The following FAT3 variants were observed in gnomAD, a reference collection of about 807,000 sequenced individuals.
The protein encoded by FAT3 is protocadherin Fat 3.
In FAT3, 95 loss-of-function variants were observed where a neutral mutation model predicts 310.2. The observed-to-expected ratio is 0.31, with a 90% CI of 0.26 to 0.36. FAT3 has a LOEUF of 0.36. Ranked by LOEUF, FAT3 falls within the 10% of genes least tolerant of loss-of-function variation. The probability of loss-of-function intolerance (pLI) is 1.00; values close to 1 mark genes in which losing one functional copy is unlikely to be tolerated. For synonymous variants in FAT3, 2,314 were observed against 2,192.9 expected (o/e 1.06, Z -1.54); for missense variants, 5,408 against 5,715.6 (o/e 0.95, Z 1.74).
intron 3 of FAT3, among the ~76,000 whole-genome samples, chr11:92,567,123 T>G (rs1955487778): frequency 6.6e-6 from 1 of 151,834 alleles, no homozygotes; most frequent in African/African-American, 2.4e-5. Flanking sequence ...GGAGAAAATT[T>G]TCACAACCTA....
intron 22 of FAT3, among the ~76,000 whole-genome samples, chr11:92,871,393 C>A (rs1193218495): frequency 6.6e-6 from 1 of 152,176 alleles, no homozygotes; most frequent in Non-Finnish European, 1.5e-5. Context: ...GGCAGTATCT[C>A]AGATCCCACC....
chr11:92,653,813 C>T (rs1296263712), intron 3 of FAT3, among the ~76,000 whole-genome samples: 1 of 152,128 alleles, frequency 6.6e-6, no homozygotes, highest in African/African-American at 2.4e-5. Context: ...ATTCACTATC[C>T]TTTCCTATTT....
intron 24 of FAT3, among the ~76,000 whole-genome samples, chr11:92,886,212 G>T (rs1949793026): frequency 6.6e-6 from 1 of 152,138 alleles, no homozygotes; most frequent in African/African-American, 2.4e-5. Context: ...GTTAAGCAAG[G>T]CAGAGTTAGC....
intron 4 of FAT3, among the ~76,000 whole-genome samples, chr11:92,718,166 G>A (rs1191820781): frequency 2.0e-5 from 3 of 152,056 alleles, no homozygotes. Flanking sequence ...TCATGATGTG[G>A]TCACTCCCTA....
At position 92,890,630 on chromosome 11, in the gene FAT3, T is replaced by C; in HGVS notation, c.13287T>C (p.Gly4429=). The part of the protein sequence containing the change: ...TRELESDYYL[G]GYDIDSEYPP... ...AGCTGGAGAGCGATTACTACCTGGG[T>C]GGTTATGACATTGACAGTGAATACC... The change falls in exon 28 of 28, where the codon GGT becomes GGC. Residue 4429 remains glycine, a synonymous_variant. Coordinates refer to ENST00000525166, the MANE Select transcript of FAT3 (RefSeq NM_001367949.2). The C allele has an allele frequency of 6.2e-7, 1 of 1,613,286 alleles. No homozygotes were observed. The highest frequency in any genetic ancestry group is 8.5e-7 in the Non-Finnish European group (1 of 1,179,766).
intron 1 of FAT3, among the ~76,000 whole-genome samples, chr11:92,301,300 C>T (rs544470897): frequency 4.6e-5 from 7 of 152,122 alleles, no homozygotes; most frequent in South Asian, 4.1e-4. Flanking sequence ...AGATAGGTGG[C>T]GAAAAAGAAA....
chr11:92,592,101 G>A (rs545907), intron 3 of FAT3, among the ~76,000 whole-genome samples: 86,865 of 151,814 alleles, frequency 0.57, 26,571 homozygotes, highest in African/African-American at 0.8. Flanking sequence ...ATGAGGTGGG[G>A]GTGGTGGATG....
chr11:92,814,792 G>A (rs369646457), intron 13 of FAT3, among the ~76,000 whole-genome samples: 4 of 152,158 alleles, frequency 2.6e-5, no homozygotes, highest in African/African-American at 9.7e-5. Flanking sequence ...TGGGTTGATA[G>A]GTGCAGCAAA....
At chr11:92,630,994 G>A (rs1565472144) in intron 3 of FAT3, among the ~76,000 whole-genome samples, 1 of 152,126 alleles carries the variant, frequency 6.6e-6, no homozygotes, top group Non-Finnish European at 1.5e-5. Context: ...GAGCTTAAGG[G>A]CTAACATGTT....
intron 1 of FAT3, among the ~76,000 whole-genome samples, chr11:92,278,258 TAATC>T (rs1487606494): frequency 2.0e-5 from 3 of 152,194 alleles, no homozygotes; most frequent in Admixed American, 6.5e-5. Context: ...TATGAGTAAT[TAATC>T]AACTATTAGG....
At chr11:92,611,832 TATAAG>T (rs1413301775) in intron 3 of FAT3, among the ~76,000 whole-genome samples, 1 of 152,178 alleles carries the variant, frequency 6.6e-6, no homozygotes, top group African/African-American at 2.4e-5. Context: ...CTATACAACT[TATAAG>T]AAAGAAGAAT....
At chr11:92,681,155 G>T (rs757394043) in intron 3 of FAT3, among the ~76,000 whole-genome samples, 2 of 152,240 alleles carry the variant, frequency 1.3e-5, no homozygotes, top group Non-Finnish European at 2.9e-5. Flanking sequence ...GCATACAAAA[G>T]ATCGAGATGA....
rs1044118713 is a variant in FAT3, at chr11:92,484,309, C to T, written c.3293-40325C>T. On this transcript the variant is annotated intron_variant, in intron 2 of 27. Coordinates refer to ENST00000525166, the MANE Select transcript of FAT3 (RefSeq NM_001367949.2). The stretch of plus-strand genomic sequence containing the variant: ...TTACTTTCTTATGCTAGAATTGTTA[C>T]CATAAAGCAAATTTTTCAGTTTAGG... Among the ~76,000 whole-genome samples, 4 of 152,020 alleles carry T rather than the reference C, an allele frequency of 2.6e-5. No individual in the cohort carries two copies. The South Asian group carries it at 8.3e-4, about 32-fold the overall frequency.
At chr11:92,725,249 T>C (rs1944966793) in intron 4 of FAT3, among the ~76,000 whole-genome samples, 1 of 152,088 alleles carries the variant, frequency 6.6e-6, no homozygotes, top group Non-Finnish European at 1.5e-5. Flanking sequence ...TTCTTAAATA[T>C]GGGGGACTGA....
chr11:92,608,113 A>C (rs1320616643), intron 3 of FAT3, among the ~76,000 whole-genome samples: 1 of 152,174 alleles, frequency 6.6e-6, no homozygotes, highest in African/African-American at 2.4e-5. Context: ...AGGAACCATA[A>C]GATTATGATA....
chr11:92,493,794 A>G (rs1191024606), intron 2 of FAT3, among the ~76,000 whole-genome samples: 1 of 152,036 alleles, frequency 6.6e-6, no homozygotes, highest in African/African-American at 2.4e-5. Flanking sequence ...TAGTGGTAAC[A>G]ATGCAGCATG....
chr11:92,522,703 G>C (rs1157679982), intron 2 of FAT3, among the ~76,000 whole-genome samples: 3 of 152,132 alleles, frequency 2.0e-5, no homozygotes, highest in African/African-American at 7.2e-5. Context: ...GCCAGTATCA[G>C]CTGGCTTATG....
rs1948600868 is a variant in FAT3, at chr11:92,352,698, T to A, written c.586T>A (p.Tyr196Asn). ...TGGTTCCAATGGAGAATTCTACTACTACTTTAAAAATAAAGTTGATCTCTT... is the reference window on the plus strand; with the variant it reads ...TGGTTCCAATGGAGAATTCTACTACAACTTTAAAAATAAAGTTGATCTCTT... ...DIGSNGEFYY[Y>N]FKNKVDLFSV... Residue 196 changes from tyrosine to asparagine, a missense_variant, in exon 2 of 28, where the codon TAC becomes AAC. Transcript: ENST00000525166. 1.2e-6 allele frequency: 2 copies of A among 1,613,840 alleles called. No individual in the cohort carries two copies. The highest frequency in any genetic ancestry group is 1.7e-6 in the Non-Finnish European group (2 of 1,179,860).
chr11:92,674,158 T>A (rs1170290859), intron 3 of FAT3, among the ~76,000 whole-genome samples: 1 of 150,396 alleles, frequency 6.6e-6, no homozygotes, highest in African/African-American at 2.5e-5. Context: ...TTCAGCCTGG[T>A]TGACAGAGTG....
Sources: allele counts gnomAD v4.1 joint callset (sites outside exome capture counted in the v4.1 genomes callset), GRCh38; gene constraint gnomAD v4.1.1; transcripts MANE v1.5; gene names NCBI Gene and HGNC (gene_info 2026-07-23, HGNC 2026-07-21).